LHFPL3: variants seen among roughly 807,000 people sequenced by gnomAD.
LHFPL3 encodes LHFPL tetraspan subfamily member 3 protein.
In LHFPL3, 5 loss-of-function variants were observed where a neutral mutation model predicts 19.3. The observed-to-expected ratio is 0.26, with a 90% CI of 0.14 to 0.54. LHFPL3 has a LOEUF of 0.54. Among genes scored for constraint, LHFPL3 ranks in the 20% least tolerant of loss-of-function variants. The pLI, the probability that LHFPL3 is intolerant of heterozygous loss-of-function variation, is 0.94. For synonymous variants in LHFPL3, 133 were observed against 126.2 expected, an observed-to-expected ratio of 1.05 and a Z score of -0.36; for missense variants, 249 against 307.4, an observed-to-expected ratio of 0.81 and a Z score of 1.42.
At chr7:104,782,640 T>A (rs1321857825) in intron 2 of LHFPL3, among the ~76,000 whole-genome samples, 1 of 152,240 alleles carries the variant, frequency 6.6e-6, no homozygotes, top group Non-Finnish European at 1.5e-5. Flanking sequence ...CTGTAATGCA[T>A]ATCACATCAT....
intron 1 of LHFPL3, among the ~76,000 whole-genome samples, chr7:104,511,912 A>ATGTT (rs1793821102): frequency 6.7e-6 from 1 of 150,346 alleles, no homozygotes; most frequent in Non-Finnish European, 1.5e-5. Flanking sequence ...ACTGGTTCTA[A>ATGTT]CGTTCTAATA....
At chr7:104,848,910 T>G (rs1452816389) in intron 2 of LHFPL3, among the ~76,000 whole-genome samples, 2 of 146,596 alleles carry the variant, frequency 1.4e-5, no homozygotes, top group Non-Finnish European at 3.0e-5. Flanking sequence ...GTTTTTTTTT[T>G]GTTGTTGTTG....
intron 1 of LHFPL3, among the ~76,000 whole-genome samples, chr7:104,627,402 C>G (rs1791565306): frequency 6.6e-6 from 1 of 152,138 alleles, no homozygotes; most frequent in Non-Finnish European, 1.5e-5. Context: ...GATTCTATAC[C>G]TTGGCTATTG....
intron 2 of LHFPL3, among the ~76,000 whole-genome samples, chr7:104,880,032 C>T (rs1422162398): frequency 6.6e-6 from 1 of 150,914 alleles, no homozygotes; most frequent in African/African-American, 2.5e-5. Flanking sequence ...AGAACTCTGT[C>T]TCTTCAAAAA....
chr7:104,683,603 A>G (rs1313932873), intron 1 of LHFPL3, among the ~76,000 whole-genome samples: 2 of 152,206 alleles, frequency 1.3e-5, no homozygotes, highest in African/African-American at 4.8e-5. Context: ...TCTCTGATAC[A>G]TAAAGTCAGC....
chr7:104,444,641 A>G (rs1162389632), intron 1 of LHFPL3, among the ~76,000 whole-genome samples: 1 of 152,202 alleles, frequency 6.6e-6, no homozygotes, highest in Non-Finnish European at 1.5e-5. Flanking sequence ...GAATCTAACT[A>G]TAAGACACCC....
rs1554381166 is a variant in LHFPL3 at position 104,360,741 on chromosome 7, G to GTGTGTA, written c.445+31518_445+31519insGTGTAT. 5.6e-5 allele frequency among the ~76,000 whole-genome samples: 7 copies of GTGTGTA among 126,094 alleles called. 1 individual carries two copies. The Admixed American group carries it at 5.7e-4, about 10-fold the overall frequency. 82.7% of individuals were successfully genotyped at this position (126,094 alleles called of 152,430 possible). A position where few individuals can be genotyped will look rare whatever the true frequency, so the allele number is the denominator to read the frequency against. ...TGTGTGTGTGTGTGTGTGTGTGTGT[G>GTGTGTA]TATACATTTACATACTTCTTGCCCA... On this transcript the variant is annotated intron_variant, in intron 1 of 2. Transcript: ENST00000424859.
At chr7:104,901,089 G>C (rs920204511) in intron 2 of LHFPL3, among the ~76,000 whole-genome samples, 1 of 152,206 alleles carries the variant, frequency 6.6e-6, no homozygotes, top group African/African-American at 2.4e-5. Context: ...TTGTCCTCGT[G>C]TCTCACGGTC....
At chr7:104,653,560 A>G (rs1792070967) in intron 1 of LHFPL3, among the ~76,000 whole-genome samples, 1 of 152,138 alleles carries the variant, frequency 6.6e-6, no homozygotes, top group Non-Finnish European at 1.5e-5. Context: ...TGTTCTTTTA[A>G]CCCCATAAAA....
intron 2 of LHFPL3, among the ~76,000 whole-genome samples, chr7:104,898,006 C>CCTTTTTTT (rs1241339030): frequency 1.0e-5 from 1 of 96,806 alleles, no homozygotes; most frequent in African/African-American, 4.1e-5. Context: ...AATGTCACCC[C>CCTTTTTTT]TTTTTTTTTT....
chr7:104,658,317 C>T (rs1483258584), intron 1 of LHFPL3, among the ~76,000 whole-genome samples: 1 of 152,184 alleles, frequency 6.6e-6, no homozygotes, highest in Non-Finnish European at 1.5e-5. Flanking sequence ...TGCACACATA[C>T]CTCTTTCTGT....
At chr7:104,769,620 C>G (rs1449241957) in intron 2 of LHFPL3, among the ~76,000 whole-genome samples, 1 of 150,360 alleles carries the variant, frequency 6.7e-6, no homozygotes, top group East Asian at 1.9e-4. Flanking sequence ...CCCCCCCAAC[C>G]CCCGACAGGC....
intron 1 of LHFPL3, among the ~76,000 whole-genome samples, chr7:104,653,047 C>G (rs561386957): frequency 1.1e-4 from 1 of 9,190 alleles, no homozygotes; most frequent in African/African-American, 1.3e-4. Flanking sequence ...CTGGAACAAA[C>G]AGTAAATTCT....
At chr7:104,739,112 A>T (rs1006143046) in intron 2 of LHFPL3, 6 of 152,162 alleles carry the variant, frequency 3.9e-5, no homozygotes, top group Admixed American at 1.3e-4. Flanking sequence ...AGAAGATGTA[A>T]ACAGCTCTAT....
At chr7:104,860,178 CCACACACACACACA>C (rs10534227) in intron 2 of LHFPL3, among the ~76,000 whole-genome samples, 5 of 128,966 alleles carry the variant, frequency 3.9e-5, no homozygotes, top group African/African-American at 1.1e-4. Context: ...ATACACCCAC[CCACACACACACACA>C]CACACACACA....
At chr7:104,732,345 A>T (rs1200096500) in intron 1 of LHFPL3, among the ~76,000 whole-genome samples, 1 of 152,184 alleles carries the variant, frequency 6.6e-6, no homozygotes, top group Admixed American at 6.5e-5. Flanking sequence ...CTGTGAATCC[A>T]TCTGATCCTG....
intron 2 of LHFPL3, chr7:104,785,617 C>A (rs1306884353): frequency 6.6e-6 from 1 of 152,216 alleles, no homozygotes; most frequent in African/African-American, 2.4e-5. Context: ...ATTCTCCCAA[C>A]CTGCTTTCAC....
At chr7:104,493,012 A>G (rs1481989843) in intron 1 of LHFPL3, among the ~76,000 whole-genome samples, 1 of 152,120 alleles carries the variant, frequency 6.6e-6, no homozygotes, top group Admixed American at 6.5e-5. Context: ...CCTTTATTCC[A>G]TATTTATTTA....
intron 1 of LHFPL3, among the ~76,000 whole-genome samples, chr7:104,524,483 A>G (rs536139824): frequency 3.4e-4 from 51 of 152,234 alleles, no homozygotes; most frequent in African/African-American, 1.2e-3. Flanking sequence ...TTATCAATCT[A>G]TACTTTCCAG....
Sources: gnomAD v4.1 joint callset for allele counts (sites outside exome capture counted in the v4.1 genomes callset) on GRCh38, gnomAD v4.1.1 for gene constraint, MANE v1.5 for transcripts, NCBI Gene and HGNC (gene_info 2026-07-23, HGNC 2026-07-21) for gene names.